The following ZPR1 variants were observed in gnomAD, a reference collection of about 807,000 sequenced individuals.
The protein encoded by ZPR1 is ZPR1 zinc finger.
ZPR1 carries 37 observed loss-of-function variants against 59.6 expected under a neutral mutation model. That is an observed-to-expected ratio of 0.62 (90% confidence interval 0.48 to 0.82). The LOEUF (loss-of-function observed/expected upper bound fraction) is 0.82. Ranked by LOEUF, ZPR1 falls within the 40% of genes least tolerant of loss-of-function variation. The pLI is 0.00. For missense variants in ZPR1, 527 were observed against 579.9 expected, an observed-to-expected ratio of 0.91 and a Z score of 0.94; for synonymous variants, 191 against 215.2, an observed-to-expected ratio of 0.89 and a Z score of 0.99.
rs763168346 is a variant in ZPR1 at position 116,782,904 on chromosome 11, A to C, written c.1092+15T>G. The C allele has an allele frequency of 2.5e-6, 4 of 1,608,716 alleles. No individual in the cohort carries two copies. The highest frequency in any genetic ancestry group is 3.4e-6 in the Non-Finnish European group (4 of 1,175,150). ...ATTGCTCAAAGGTGGTTTACACACT[A>C]CTCAAGTGACTCACCAGTTCCCGGA... On this transcript the variant is annotated intron_variant, in intron 11 of 13. Coordinates refer to ENST00000227322, the MANE Select transcript of ZPR1 (RefSeq NM_003904.5).
At position 116,787,829 on chromosome 11, in the gene ZPR1, A is replaced by G. The variant is rs1186958402; in HGVS notation, c.162T>C (p.Cys54=). The G allele has an allele frequency of 6.4e-7, 1 of 1,555,852 alleles. No individual in the cohort carries two copies. Among genetic ancestry groups the G allele is most frequent in the South Asian group, 1.2e-5 (1 of 84,864 alleles). ...CGCGCCCCCGCCTCACATTGCAGTA[A>G]CAGTTCATGCATAGCGACTCGATCT... ...PTEIESLCMN[C]YCNGMTRLLL... Residue 54 remains cysteine (C), a synonymous_variant, in exon 1 of 14, where the codon TGT becomes TGC. Coordinates refer to ENST00000227322, the MANE Select transcript of ZPR1 (RefSeq NM_003904.5).
At position 116,773,851 on chromosome 11, in the gene ZPR1, C is replaced by T. The variant is rs1389306299; in HGVS notation, c.*5074G>A. 1.3e-5 allele frequency: 2 copies of T among 152,106 alleles called. No individual in the cohort carries two copies. Among genetic ancestry groups the T allele is most frequent in the Non-Finnish European group, 2.9e-5 (2 of 68,026 alleles). 9.4% of individuals were successfully genotyped at this position (152,106 alleles called of 1,614,324 possible). A position where few individuals can be genotyped will look rare whatever the true frequency, so the allele number is the denominator to read the frequency against. ...CTTTGCAGGGGGTTTAGAGCTTTACCTGAATTATCTCATTTAACCCTCACA... is the reference window on the plus strand; with the variant it reads ...CTTTGCAGGGGGTTTAGAGCTTTACTTGAATTATCTCATTTAACCCTCACA... On this transcript the variant is annotated 3_prime_UTR_variant, in exon 14 of 14. Transcript: ENST00000227322.
In ZPR1 at chr11:116,775,928, A is replaced by G. The variant is rs1340319411; in HGVS notation, c.*2997T>C. On this transcript the variant is annotated 3_prime_UTR_variant, in exon 14 of 14. Coordinates refer to ENST00000227322, the MANE Select transcript of ZPR1 (RefSeq NM_003904.5). ...AGTAGTCTTAGCCACCACTGCCCTAAATGTAAGCAGAGACACCATTTTCTG... is the reference window on the plus strand; with the variant it reads ...AGTAGTCTTAGCCACCACTGCCCTAGATGTAAGCAGAGACACCATTTTCTG... The G allele has an allele frequency of 2.0e-5, 3 of 152,498 alleles. No individual in the cohort carries two copies. The highest frequency in any genetic ancestry group is 4.4e-5 in the Non-Finnish European group (3 of 68,048). The allele number at this position is 152,498 out of a possible 1,614,324, so 9.4% of individuals were successfully genotyped here.
In ZPR1 at chr11:116,785,386, T is replaced by C. The variant is rs1167096925; in HGVS notation, c.705+128A>G. 4.3e-6 allele frequency: 6 copies of C among 1,399,092 alleles called. No individual in the cohort carries two copies. In the African/African-American group the frequency reaches 4.3e-5, roughly 10 times the overall value. 86.7% of individuals were successfully genotyped at this position (1,399,092 alleles called of 1,614,324 possible). A position where few individuals can be genotyped will look rare whatever the true frequency, so the allele number is the denominator to read the frequency against. On this transcript the variant is annotated intron_variant, in intron 6 of 13. Transcript: ENST00000227322. ...ACCCAAGTCCTGGACATAAGCAAGA[T>C]GAGAAGCACAAACAAGCTGAGATAG...
intron 11 of ZPR1, 118 bp downstream of exon 11, chr11:116,782,801 T>C (rs943305232): frequency 5.4e-6 from 4 of 745,616 alleles, no homozygotes; most frequent in Non-Finnish European, 9.3e-6. Flanking sequence ...AAACCAGCTT[T>C]AAGGCAAAGA....
At chr11:116,781,195 G>GA (rs1940798528) in intron 12 of ZPR1, among the ~76,000 whole-genome samples, 1 of 151,658 alleles carries the variant, frequency 6.6e-6, no homozygotes, top group Non-Finnish European at 1.5e-5. Flanking sequence ...TAAAACCCAG[G>GA]AGTTTTCAGA....
intron 10 of ZPR1, 102 bp from the exon 11 acceptor site, chr11:116,783,131 G>T: frequency 2.4e-6 from 2 of 828,590 alleles, no homozygotes. Flanking sequence ...CTGCGGACAA[G>T]GGCAGCTGTC....
intron 12 of ZPR1, among the ~76,000 whole-genome samples, chr11:116,781,064 T>C (rs1330017518): frequency 6.6e-6 from 1 of 151,814 alleles, no homozygotes; most frequent in Non-Finnish European, 1.5e-5. Flanking sequence ...AAAACCTCAA[T>C]TGAAGGGTTG....
chr11:116,779,864 T>C lies in ZPR1; in HGVS notation c.1180-27A>G, dbSNP rs146557873. The C allele has an allele frequency of 1.4e-5, 20 of 1,407,744 alleles. No individual in the cohort carries two copies. In the African/African-American group the frequency reaches 2.1e-4, roughly 15 times the overall value. 87.2% of individuals were successfully genotyped at this position (1,407,744 alleles called of 1,614,324 possible). A position where few individuals can be genotyped will look rare whatever the true frequency, so the allele number is the denominator to read the frequency against. ...TAAAGGAGAGAGAGAACACAGCAAG[T>C]AAATTTTACATAACCCCTGGTAAAA... is the stretch of plus-strand genomic sequence containing the variant. On this transcript the variant is annotated intron_variant, in intron 12 of 13. Coordinates refer to ENST00000227322, the MANE Select transcript of ZPR1 (RefSeq NM_003904.5).
At position 116,778,909 on chromosome 11, in the gene ZPR1, C is replaced by G; in HGVS notation, c.*16G>C. On this transcript the variant is annotated 3_prime_UTR_variant, in exon 14 of 14. Coordinates refer to ENST00000227322, the MANE Select transcript of ZPR1 (RefSeq NM_003904.5). The stretch of plus-strand genomic sequence containing the variant: ...GAAAGAGCAGCGCTGGAGGCTGGCC[C>G]TTGAGCCACCCACTGCTACCGTTGC... 1.9e-6 allele frequency: 3 copies of G among 1,612,856 alleles called. No individual in the cohort carries two copies. The highest frequency in any genetic ancestry group is 2.5e-6 in the Non-Finnish European group (3 of 1,179,866).
rs1224371758 is a variant in ZPR1, at chr11:116,776,584, G to A, written c.*2341C>T. Reference sequence around the variant, plus strand: ...AGAATGCCTTGTCATCAAAGGGCAGGAAGTACCTTAGCTGGGTTATCCCAG... The same window carrying A: ...AGAATGCCTTGTCATCAAAGGGCAGAAAGTACCTTAGCTGGGTTATCCCAG... On this transcript the variant is annotated 3_prime_UTR_variant, in exon 14 of 14. Coordinates refer to ENST00000227322, the MANE Select transcript of ZPR1 (RefSeq NM_003904.5). 3.3e-5 allele frequency: 5 copies of A among 152,202 alleles called. No homozygotes were observed. Among genetic ancestry groups the A allele is most frequent in the African/African-American group, 1.2e-4 (5 of 41,436 alleles). 9.4% of individuals were successfully genotyped at this position (152,202 alleles called of 1,614,324 possible).
chr11:116,785,512 A>C lies in ZPR1; in HGVS notation c.705+2T>G, dbSNP rs775631543. On this transcript the variant is annotated splice_donor_variant, in intron 6 of 13. Coordinates refer to ENST00000227322, the MANE Select transcript of ZPR1 (RefSeq NM_003904.5). LOFTEE classifies it high-confidence loss of function. ...TTCTTCTGGATCCTTCAGTCCACTTACTTGAAGCCCCAGCATCTCTTCCTG... is the reference window on the plus strand; with the variant it reads ...TTCTTCTGGATCCTTCAGTCCACTTCCTTGAAGCCCCAGCATCTCTTCCTG... 4 of 1,613,762 alleles carry C rather than the reference A, an allele frequency of 2.5e-6. No individual in the cohort carries two copies. In the South Asian group the frequency reaches 4.4e-5, roughly 18 times the overall value.
chr11:116,787,147 C>T lies in ZPR1; in HGVS notation c.334-88G>A, dbSNP rs867827102. ...ACCAGACCGTCCCCTTCCATCAGAC[C>T]GCAGCCCAGCTGTCTCTCCCTCTCG... On this transcript the variant is annotated intron_variant, in intron 2 of 13. Coordinates refer to ENST00000227322, the MANE Select transcript of ZPR1 (RefSeq NM_003904.5). 6.8e-6 allele frequency: 8 copies of T among 1,183,344 alleles called. No homozygotes were observed. The Middle Eastern group carries it at 1.3e-3, about 198-fold the overall frequency. 73.3% of individuals were successfully genotyped at this position (1,183,344 alleles called of 1,614,324 possible).
intron 9 of ZPR1, 69 bp from the exon 10 acceptor site, chr11:116,783,688 A>G (rs2134196106): frequency 1.5e-6 from 2 of 1,307,676 alleles, no homozygotes; most frequent in East Asian, 4.6e-5. Context: ...GGAGACCTGG[A>G]GTGTAGGCTT....
chr11:116,787,730 C>G (rs1940911535), intron 1 of ZPR1, 87 bp from the exon 2 acceptor site: 1 of 1,528,738 alleles, frequency 6.5e-7, no homozygotes, highest in Admixed American at 2.0e-5. Context: ...TCGGGGTCCC[C>G]GGCCGGGCCC....
chr11:116,784,458 G>A lies in ZPR1; in HGVS notation c.821-10C>T, dbSNP rs765836370. Reference sequence around the variant, plus strand: ...TTAAAGTGAGGGATTTCTGGAAAACGGAGTTAAGGAAATCTACTTCCAGGC... The same window carrying A: ...TTAAAGTGAGGGATTTCTGGAAAACAGAGTTAAGGAAATCTACTTCCAGGC... On this transcript the variant is annotated splice_polypyrimidine_tract_variant and intron_variant, in intron 8 of 13. Transcript: ENST00000227322. 16 of 1,613,688 alleles carry A rather than the reference G, an allele frequency of 9.9e-6. No individual in the cohort carries two copies. The highest frequency in any genetic ancestry group is 5.0e-5 in the Admixed American group (3 of 59,998).
In ZPR1 at chr11:116,786,515, C is replaced by A; in HGVS notation, c.491G>T (p.Arg164Leu). The A allele has an allele frequency of 8.1e-6, 13 of 1,614,202 alleles. No homozygotes were observed. The highest frequency in any genetic ancestry group is 1.1e-5 in the Non-Finnish European group (13 of 1,180,024). The stretch of plus-strand genomic sequence containing the variant: ...AATCAGAAAACCCCAGCTTACCCTT[C>A]GTGCAGGCTGGTCCTGCTCCAGGCC... ...ISGLEQDQPA[R>L]RANKDATAER... The change falls in exon 4 of 14, where the codon CGA becomes CTA. Residue 164 changes from arginine (R) to leucine (L), a missense_variant. By Grantham distance (102) the Arg-to-Leu change is moderately radical. Coordinates refer to ENST00000227322, the MANE Select transcript of ZPR1 (RefSeq NM_003904.5).
rs1940830908 is a variant in ZPR1, at chr11:116,782,958, G to A, written c.1053C>T (p.Phe351=). The A allele has an allele frequency of 1.9e-6, 3 of 1,614,070 alleles. No homozygotes were observed. Among genetic ancestry groups the A allele is most frequent in the Non-Finnish European group, 2.5e-6 (3 of 1,180,036 alleles). Residue 351 remains phenylalanine (F), a synonymous_variant, in exon 11 of 14, where the codon TTC becomes TTT. Coordinates refer to ENST00000227322, the MANE Select transcript of ZPR1 (RefSeq NM_003904.5). ...CTTTCAGCAGCCCTTCCAGTGTGGT[G>A]AACTTGCCCCCGAGGACTGCCATTC... ...ELGMAVLGGK[F]TTLEGLLKDI...
At position 116,779,834 on chromosome 11, in the gene ZPR1, T is replaced by C; in HGVS notation, c.1183A>G (p.Ile395Val). The change falls in exon 13 of 14, where the codon ATC becomes GTC. Residue 395 changes from isoleucine to valine, a missense_variant. Ile to Val is a conservative substitution (Grantham distance 29). Transcript: ENST00000227322. The part of the protein sequence containing the change: ...QEFSQKMDQI[I>V]EGNMKAHFIM... ...AAGTGGGCCTTCATGTTACCTTCGA[T>C]GATCTAAAGGAGAGAGAGAACACAG... The C allele has an allele frequency of 1.3e-6, 2 of 1,586,998 alleles. No individual in the cohort carries two copies. The highest frequency in any genetic ancestry group is 1.7e-6 in the Non-Finnish European group (2 of 1,167,932).
Sources: allele counts gnomAD v4.1 joint callset (sites outside exome capture counted in the v4.1 genomes callset), GRCh38; gene constraint gnomAD v4.1.1; transcripts MANE v1.5; gene names NCBI Gene and HGNC (gene_info 2026-07-23, HGNC 2026-07-21).